The following ASAP2 variants were observed in gnomAD, a reference collection of about 807,000 sequenced individuals.
The protein encoded by ASAP2 is arf-GAP with SH3 domain, ANK repeat and PH domain-containing protein 2.
In ASAP2, 45 loss-of-function variants were observed where a neutral mutation model predicts 131.4. That is an observed-to-expected ratio of 0.34 (90% CI 0.27 to 0.44). ASAP2 has a LOEUF of 0.44. ASAP2 is among the 20% of genes least tolerant of loss of function. ASAP2 has a pLI of 1.00. For synonymous variants in ASAP2, 510 were observed against 503.0 expected, an observed-to-expected ratio of 1.01 and a Z score of -0.19; for missense variants, 1,011 against 1,297.0, an observed-to-expected ratio of 0.78 and a Z score of 3.39.
chr2:9,310,788 C>T (rs1669245964), intron 3 of ASAP2, among the ~76,000 whole-genome samples: 1 of 152,176 alleles, frequency 6.6e-6, no homozygotes, highest in Non-Finnish European at 1.5e-5. Context: ...CATCCACCCC[C>T]ACCAAAAAAT....
chr2:9,354,510 G>A lies in ASAP2; in HGVS notation c.1112-1537G>A, dbSNP rs192983352. On this transcript the variant is annotated intron_variant, in intron 12 of 27. Transcript: ENST00000281419. ...AAATTGGCCAGGTGCGGTGGCCCAC[G>A]CCTGTCATCTCAGTACTTTGGGAGG... Among the ~76,000 whole-genome samples the A allele has an allele frequency of 4.1e-4, 63 of 152,150 alleles. 1 individual carries two copies. The East Asian group carries it at 8.5e-3, about 21-fold the overall frequency.
intron 3 of ASAP2, among the ~76,000 whole-genome samples, chr2:9,305,268 A>G (rs867428502): frequency 1.3e-4 from 19 of 141,514 alleles, no homozygotes; most frequent in African/African-American, 3.7e-4. Context: ...AGGGGCTGTA[A>G]TAGTGGGGTA....
chr2:9,375,022 T>G, intron 17 of ASAP2, 78 bp downstream of exon 17: 2 of 1,375,736 alleles, frequency 1.5e-6, no homozygotes, highest in Non-Finnish European at 1.9e-6. Flanking sequence ...ATCCAGTACT[T>G]TACTTCAGGA....
chr2:9,341,420 C>G (rs1671567200), intron 9 of ASAP2, among the ~76,000 whole-genome samples: 1 of 152,144 alleles, frequency 6.6e-6, no homozygotes, highest in Non-Finnish European at 1.5e-5. Context: ...TTCAATTGGC[C>G]TAAAGAAAAG....
intron 9 of ASAP2, among the ~76,000 whole-genome samples, chr2:9,342,183 C>T (rs147827063): frequency 1.7e-4 from 26 of 152,248 alleles, no homozygotes; most frequent in East Asian, 7.7e-4. Context: ...CATGTGGAAA[C>T]GCAAAGGACC....
At chr2:9,211,523 C>T (rs750504226) in intron 1 of ASAP2, among the ~76,000 whole-genome samples, 5 of 152,062 alleles carry the variant, frequency 3.3e-5, no homozygotes, top group South Asian at 4.2e-4. Context: ...TTCTGCCTTA[C>T]GTATTTGGCA....
rs773020419 is a variant in ASAP2, at chr2:9,391,227, C to T, written c.2518+31C>T. 25 of 1,590,512 alleles carry T rather than the reference C, an allele frequency of 1.6e-5. No homozygotes were observed. The South Asian group carries it at 2.5e-4, about 16-fold the overall frequency. Reference sequence around the variant, plus strand: ...TTTTTTTCCTTTTTCCTTTCTTGCCCGTGGGCTTTGTAGATCTGGATGGCG... The same window carrying T: ...TTTTTTTCCTTTTTCCTTTCTTGCCTGTGGGCTTTGTAGATCTGGATGGCG... On this transcript the variant is annotated intron_variant, in intron 23 of 27. Transcript: ENST00000281419.
chr2:9,309,354 A>G (rs114427019), intron 3 of ASAP2, among the ~76,000 whole-genome samples: 4,514 of 152,326 alleles, frequency 0.03, 188 homozygotes, highest in African/African-American at 0.097. Flanking sequence ...GCGCAGTCCC[A>G]AAATCATGAT....
chr2:9,290,951 T>C lies in ASAP2; in HGVS notation c.200-6349T>C, dbSNP rs541469713. Among the ~76,000 whole-genome samples the C allele has an allele frequency of 2.6e-5, 4 of 152,332 alleles. No individual in the cohort carries two copies. In the East Asian group the frequency reaches 5.8e-4, roughly 22 times the overall value. On this transcript the variant is annotated intron_variant, in intron 2 of 27. Transcript: ENST00000281419. ...GCAAGTGCTCAGTTTTCCCCACCAC[T>C]GTTAGCATTTTGATGTATTATCTTT... is the stretch of plus-strand genomic sequence containing the variant.
intron 3 of ASAP2, among the ~76,000 whole-genome samples, chr2:9,303,561 G>A (rs1178428672): frequency 1.3e-5 from 2 of 152,122 alleles, no homozygotes; most frequent in East Asian, 3.9e-4. Context: ...CAGTCGCTTT[G>A]GGCCCCTAGA....
At position 9,392,768 on chromosome 2, in the gene ASAP2, G is replaced by A. The variant is rs1450467713; in HGVS notation, c.2519-714G>A. On this transcript the variant is annotated intron_variant, in intron 23 of 27. Coordinates refer to ENST00000281419, the MANE Select transcript of ASAP2 (RefSeq NM_003887.3). This position sits in a 1 kb window ranked among gnomAD's most constrained non-coding sequence, Gnocchi z 4.0. The stretch of plus-strand genomic sequence containing the variant: ...TTTTCCTGGCAGAGGGAAACCCAGC[G>A]CCTTATGTGTTACCCATCCTGAGGC... Among the ~76,000 whole-genome samples the A allele has an allele frequency of 1.3e-5, 2 of 151,998 alleles. No individual in the cohort carries two copies. Among genetic ancestry groups the A allele is most frequent in the East Asian group, 1.9e-4 (1 of 5,190 alleles).
At chr2:9,304,735 T>C (rs188524374) in intron 3 of ASAP2, among the ~76,000 whole-genome samples, 1,211 of 117,312 alleles carry the variant, frequency 0.01, 24 homozygotes, top group African/African-American at 0.039. Context: ...TAGTGGGGTA[T>C]AGGTATTGGT....
chr2:9,398,047 T>C (rs1463319056), intron 24 of ASAP2, among the ~76,000 whole-genome samples: 3 of 151,208 alleles, frequency 2.0e-5, no homozygotes, highest in African/African-American at 7.3e-5. Context: ...CGTGAGCCAC[T>C]GCGCCCGGCC....
At chr2:9,293,988 G>A (rs947293757) in intron 2 of ASAP2, among the ~76,000 whole-genome samples, 4 of 147,184 alleles carry the variant, frequency 2.7e-5, no homozygotes, top group Admixed American at 6.9e-5. Flanking sequence ...AGATGTATAA[G>A]GACAAGAATT....
rs1373502670 is a variant in ASAP2, at chr2:9,320,299, G to A, written c.432G>A (p.Lys144=). The change falls in exon 5 of 28, where the codon AAG becomes AAA. Residue 144 remains lysine, a synonymous_variant. Coordinates refer to ENST00000281419, the MANE Select transcript of ASAP2 (RefSeq NM_003887.3). ...DLKGVKGDLK[K]PFDKAWKDYE... ...TTCTTTGTTTACAGGATCTGAAAAAGCCTTTTGATAAAGCTTGGAAGGACT... is the reference window on the plus strand; with the variant it reads ...TTCTTTGTTTACAGGATCTGAAAAAACCTTTTGATAAAGCTTGGAAGGACT... 3.7e-6 allele frequency: 6 copies of A among 1,610,670 alleles called. No homozygotes were observed. The highest frequency in any genetic ancestry group is 5.1e-6 in the Non-Finnish European group (6 of 1,178,656).
intron 3 of ASAP2, among the ~76,000 whole-genome samples, chr2:9,307,106 C>T (rs12478982): frequency 0.29 from 44,537 of 152,172 alleles, 6,918 homozygotes; most frequent in Non-Finnish European, 0.36. Context: ...CAGCCCCAGC[C>T]TCCACACCTC....
chr2:9,216,649 C>T (rs931086128), intron 1 of ASAP2, among the ~76,000 whole-genome samples: 6 of 151,776 alleles, frequency 4.0e-5, no homozygotes, highest in African/African-American at 7.3e-5. Flanking sequence ...TTAGTAGAGA[C>T]GGGGTTTTGC....
At chr2:9,273,282 G>T (rs935636976) in intron 1 of ASAP2, among the ~76,000 whole-genome samples, 3 of 151,996 alleles carry the variant, frequency 2.0e-5, no homozygotes, top group African/African-American at 7.2e-5. Flanking sequence ...TAATTCCTAG[G>T]TATTTAATTT....
intron 1 of ASAP2, among the ~76,000 whole-genome samples, chr2:9,212,010 A>G (rs1328505674): frequency 6.6e-6 from 1 of 152,100 alleles, no homozygotes; most frequent in Non-Finnish European, 1.5e-5. Context: ...GGAAGCAGCC[A>G]TTTTCTCTTC....
Sources: allele counts gnomAD v4.1 joint callset (sites outside exome capture counted in the v4.1 genomes callset), GRCh38; gene constraint gnomAD v4.1.1; non-coding constraint Gnocchi (gnomAD v3.1); transcripts MANE v1.5; gene names NCBI Gene and HGNC (gene_info 2026-07-23, HGNC 2026-07-21).